The following APBA2 variants were observed in gnomAD, a reference collection of about 807,000 sequenced individuals.
APBA2 encodes the protein amyloid-beta A4 precursor protein-binding family A member 2.
APBA2 carries 30 observed loss-of-function variants against 75.0 expected under a neutral mutation model. The observed-to-expected ratio is 0.40, with a 90% CI of 0.30 to 0.54. The LOEUF (loss-of-function observed/expected upper bound fraction) is 0.54, where lower values mean the gene tolerates loss of function less well. Among genes scored for constraint, APBA2 ranks in the 20% least tolerant of loss-of-function variants. The pLI is 0.49. For synonymous variants in APBA2, 444 were observed against 409.6 expected, an observed-to-expected ratio of 1.08 and a Z score of -1.01; for missense variants, 801 against 1,016.1, an observed-to-expected ratio of 0.79 and a Z score of 2.88.
chr15:29,024,158 C>T (rs1218669519), intron 3 of APBA2, among the ~76,000 whole-genome samples: 1 of 152,178 alleles, frequency 6.6e-6, no homozygotes, highest in Non-Finnish European at 1.5e-5. Context: ...CCCACCTCAG[C>T]CTCCCAAAGT....
rs146905917 is a variant in APBA2, at chr15:28,976,840, C to G, written c.-94-18913C>G. On this transcript the variant is annotated intron_variant, in intron 2 of 14. Coordinates refer to ENST00000683413, the MANE Select transcript of APBA2 (RefSeq NM_001353788.2). ...GAGATTATATTAGACCCATAACATT[C>G]AGCATCTCATCCTTTTCTCTTTTGG... Among the ~76,000 whole-genome samples the G allele has an allele frequency of 4.1e-4, 62 of 152,296 alleles. No individual in the cohort carries two copies. The East Asian group carries it at 0.012, about 29-fold the overall frequency.
At chr15:28,916,522 T>C (rs1168889957) in intron 1 of APBA2, among the ~76,000 whole-genome samples, 12 of 152,174 alleles carry the variant, frequency 7.9e-5, no homozygotes, top group Non-Finnish European at 1.8e-4. Context: ...CTCTCCCACC[T>C]CTCTCCCCGC....
At chr15:28,986,303 T>A (rs780967109) in intron 2 of APBA2, among the ~76,000 whole-genome samples, 1 of 152,060 alleles carries the variant, frequency 6.6e-6, no homozygotes, top group Admixed American at 6.6e-5. Context: ...GACTCACTAG[T>A]TGGTTAATGT....
chr15:29,052,437 A>G (rs1256952044), intron 3 of APBA2, among the ~76,000 whole-genome samples: 2 of 139,028 alleles, frequency 1.4e-5, no homozygotes, highest in Non-Finnish European at 3.0e-5. Flanking sequence ...CCTGGGCGAC[A>G]GAGCGAGACT....
intron 1 of APBA2, among the ~76,000 whole-genome samples, chr15:28,904,782 G>A (rs887023137): frequency 3.3e-5 from 5 of 152,196 alleles, no homozygotes; most frequent in African/African-American, 1.2e-4. Context: ...GCTGGCTGGT[G>A]GTGTTTGGAG....
intron 2 of APBA2, among the ~76,000 whole-genome samples, chr15:28,986,178 G>A (rs2037917752): frequency 6.6e-6 from 1 of 152,240 alleles, no homozygotes; most frequent in East Asian, 1.9e-4. Context: ...CTGGAGGAGA[G>A]AAGCCATTCC....
At chr15:29,056,221 T>G (rs892835705) in intron 4 of APBA2, among the ~76,000 whole-genome samples, 1 of 152,274 alleles carries the variant, frequency 6.6e-6, no homozygotes, top group East Asian at 1.9e-4. Flanking sequence ...GCTAACCAGA[T>G]GGTAATTTGG....
intron 1 of APBA2, among the ~76,000 whole-genome samples, chr15:28,899,103 CG>C (rs1351106574): frequency 6.6e-6 from 1 of 152,194 alleles, no homozygotes; most frequent in East Asian, 1.9e-4. Context: ...GAAGAGCAGT[CG>C]GGGGGAGATG....
At position 29,053,850 on chromosome 15, in the gene APBA2, G is replaced by T. The variant is rs774288821; in HGVS notation, c.-35G>T. 6.3e-7 allele frequency: 1 copy of T among 1,587,600 alleles called. No homozygotes were observed. The highest frequency in any genetic ancestry group is 8.6e-7 in the Non-Finnish European group (1 of 1,161,846). On this transcript the variant is annotated 5_prime_UTR_variant, in exon 4 of 15. Transcript: ENST00000683413. ...CCCAATGTTCCTCCCCACAGTGGCT[G>T]CCTCCGGGTGATGATGGCTGTGTGA...
chr15:29,027,186 T>C (rs2040264264), intron 3 of APBA2, among the ~76,000 whole-genome samples: 1 of 152,218 alleles, frequency 6.6e-6, no homozygotes, highest in African/African-American at 2.4e-5. Flanking sequence ...AATAAATTGC[T>C]TCAGCTTTCC....
At chr15:29,072,403 G>A (rs184744378) in intron 4 of APBA2, among the ~76,000 whole-genome samples, 390 of 152,316 alleles carry the variant, frequency 2.6e-3, no homozygotes, top group Non-Finnish European at 3.5e-3. Flanking sequence ...TCCCAAATAA[G>A]GTTTACTTTA....
At chr15:28,952,453 G>A (rs1053486635) in intron 2 of APBA2, among the ~76,000 whole-genome samples, 1 of 152,110 alleles carries the variant, frequency 6.6e-6, no homozygotes, top group African/African-American at 2.4e-5. Flanking sequence ...GATCACTTGA[G>A]CCTGGGAAGT....
At chr15:28,926,726 C>T (rs1218965897) in intron 2 of APBA2, among the ~76,000 whole-genome samples, 2 of 151,672 alleles carry the variant, frequency 1.3e-5, no homozygotes, top group Admixed American at 1.3e-4. Flanking sequence ...TAATGAATTC[C>T]CTTGGTTTTG....
intron 6 of APBA2, among the ~76,000 whole-genome samples, chr15:29,082,343 C>T (rs561072633): frequency 6.6e-6 from 1 of 152,278 alleles, no homozygotes; most frequent in Non-Finnish European, 1.5e-5. Context: ...ATTAACATAG[C>T]CATCACTTCA....
At chr15:28,911,657 A>G (rs2033434876) in intron 1 of APBA2, among the ~76,000 whole-genome samples, 2 of 152,234 alleles carry the variant, frequency 1.3e-5, no homozygotes, top group Non-Finnish European at 2.9e-5. Context: ...CACATTTTAA[A>G]AAACAAAAGG....
intron 2 of APBA2, among the ~76,000 whole-genome samples, chr15:28,926,813 T>G (rs949759605): frequency 2.0e-5 from 3 of 152,032 alleles, no homozygotes; most frequent in African/African-American, 7.2e-5. Flanking sequence ...TGGTGGTTTC[T>G]TCTTTCAAAA....
chr15:28,896,479 C>T (rs1358685299), intron 1 of APBA2, among the ~76,000 whole-genome samples: 1 of 152,220 alleles, frequency 6.6e-6, no homozygotes, highest in African/African-American at 2.4e-5. Flanking sequence ...CAGGGTTTCA[C>T]CGTGTTAGCC....
At chr15:28,890,291 A>G (rs913550740) in intron 1 of APBA2, among the ~76,000 whole-genome samples, 1 of 152,236 alleles carries the variant, frequency 6.6e-6, no homozygotes, top group Non-Finnish European at 1.5e-5. Context: ...CTGATTCTGC[A>G]CTAAGATTCC....
At chr15:28,983,874 AC>A (rs963482865) in intron 2 of APBA2, among the ~76,000 whole-genome samples, 30 of 152,250 alleles carry the variant, frequency 2.0e-4, no homozygotes, top group South Asian at 2.1e-4. Context: ...GATCCCAAGC[AC>A]CCAGGCCACT....
Sources: gnomAD v4.1 joint callset for allele counts (sites outside exome capture counted in the v4.1 genomes callset) on GRCh38, gnomAD v4.1.1 for gene constraint, MANE v1.5 for transcripts, NCBI Gene and HGNC (gene_info 2026-07-23, HGNC 2026-07-21) for gene names.